The following FAM169A variants were observed in gnomAD, a reference collection of about 807,000 sequenced individuals.
The protein encoded by FAM169A is family with sequence similarity 169 member A.
A neutral mutation model predicts 75.7 loss-of-function variants in FAM169A; 24 were observed. That is an observed-to-expected ratio of 0.32 (90% CI 0.23 to 0.45). The LOEUF is 0.45. FAM169A is among the 20% of genes least tolerant of loss of function. The pLI is 1.00. For synonymous variants in FAM169A, 271 were observed against 271.0 expected (o/e 1.00, Z 0.00); for missense variants, 673 against 784.0 (o/e 0.86, Z 1.69).
rs537984793 is a variant in FAM169A, at chr5:74,856,977, T to C, written c.-4+9188A>G. ...ACAAAAAATTAGCCTGGTGTGGTGG[T>C]GGGCGCCTGTAGTCCCAGCCACTCG... On this transcript the variant is annotated intron_variant, in intron 1 of 12. Transcript: ENST00000687041. Among the ~76,000 whole-genome samples the C allele has an allele frequency of 9.9e-5, 15 of 151,292 alleles. No individual in the cohort carries two copies. In the South Asian group the frequency reaches 3.1e-3, roughly 32 times the overall value.
rs1188277215 is a variant in FAM169A at position 74,842,472 on chromosome 5, G to C, written c.-3-793C>G. On this transcript the variant is annotated intron_variant, in intron 1 of 12. Transcript: ENST00000687041. The stretch of plus-strand genomic sequence containing the variant: ...AAAAAAAAAATCACTGAATTGTACG[G>C]TTTGCAATAGATGAATATTATGGTA... 3.6e-5 allele frequency among the ~76,000 whole-genome samples: 5 copies of C among 137,136 alleles called. 1 individual carries two copies. In the South Asian group the frequency reaches 1.1e-3, roughly 31 times the overall value. 90.0% of individuals were successfully genotyped at this position (137,136 alleles called of 152,430 possible).
chr5:74,840,176 G>A lies in FAM169A; in HGVS notation c.133-3C>T. ...ACATTTGACAGGCTAATAGGAATCTGAAATGACAAATTAATAAAGATTAGT... is the reference window on the plus strand; with the variant it reads ...ACATTTGACAGGCTAATAGGAATCTAAAATGACAAATTAATAAAGATTAGT... On this transcript the variant is annotated splice_region_variant and splice_polypyrimidine_tract_variant and intron_variant, in intron 2 of 12. Transcript: ENST00000687041. 10 of 1,438,852 alleles carry A rather than the reference G, an allele frequency of 6.9e-6. No homozygotes were observed. Among genetic ancestry groups the A allele is most frequent in the Non-Finnish European group, 9.5e-6 (10 of 1,051,508 alleles). 89.1% of individuals were successfully genotyped at this position (1,438,852 alleles called of 1,614,324 possible). A position where few individuals can be genotyped will look rare whatever the true frequency, so the allele number is the denominator to read the frequency against.
At chr5:74,857,665 T>C (rs968183030) in intron 1 of FAM169A, among the ~76,000 whole-genome samples, 7 of 150,690 alleles carry the variant, frequency 4.6e-5, no homozygotes, top group African/African-American at 1.5e-4. Context: ...TTTAGACTTA[T>C]TCTGTATATC....
chr5:74,796,192 A>G lies in FAM169A; in HGVS notation c.1104-6T>C. ...GGCGTGCAGTAGACTCCAATCTAAA[A>G]AACAAAAGAAAACCATTCTGACTTG... is the stretch of plus-strand genomic sequence containing the variant. On this transcript the variant is annotated splice_polypyrimidine_tract_variant and splice_region_variant and intron_variant, in intron 10 of 12. Transcript: ENST00000687041. The G allele has an allele frequency of 6.3e-7, 1 of 1,593,908 alleles. No homozygotes were observed. The highest frequency in any genetic ancestry group is 8.5e-7 in the Non-Finnish European group (1 of 1,174,198).
At chr5:74,805,032 A>T in intron 7 of FAM169A, 124 bp downstream of exon 7, 1 of 760,860 alleles carries the variant, frequency 1.3e-6, no homozygotes, top group Non-Finnish European at 2.2e-6. Flanking sequence ...ATACACTACC[A>T]CTCTGGACTC....
intron 1 of FAM169A, among the ~76,000 whole-genome samples, chr5:74,852,643 A>C (rs1386279235): frequency 6.6e-6 from 1 of 152,118 alleles, no homozygotes; most frequent in African/African-American, 2.4e-5. Context: ...TGGATGACTG[A>C]AAGTACACCG....
At chr5:74,815,844 T>A (rs988716363) in intron 5 of FAM169A, among the ~76,000 whole-genome samples, 1 of 152,124 alleles carries the variant, frequency 6.6e-6, no homozygotes. Context: ...AGTTTCCAAA[T>A]GCCATGGCAA....
chr5:74,796,230 T>C (rs1746267258), intron 10 of FAM169A, 44 bp from the exon 11 acceptor site: 1 of 1,542,240 alleles, frequency 6.5e-7, no homozygotes, highest in African/African-American at 1.4e-5. Context: ...TTATTAAGGA[T>C]AAATATAAAA....
At chr5:74,860,535 A>G (rs1452869412) in intron 1 of FAM169A, among the ~76,000 whole-genome samples, 1 of 152,086 alleles carries the variant, frequency 6.6e-6, no homozygotes, top group Non-Finnish European at 1.5e-5. Context: ...CAAACTGACC[A>G]CCTTCTGTCA....
intron 5 of FAM169A, among the ~76,000 whole-genome samples, chr5:74,827,291 T>C (rs1005222697): frequency 1.3e-5 from 2 of 152,192 alleles, no homozygotes; most frequent in African/African-American, 2.4e-5. Context: ...CTAGAAACTA[T>C]AATCAATCTG....
At chr5:74,852,758 G>C (rs1359083996) in intron 1 of FAM169A, among the ~76,000 whole-genome samples, 2 of 152,030 alleles carry the variant, frequency 1.3e-5, no homozygotes, top group Non-Finnish European at 1.5e-5. Flanking sequence ...AGCAGGCCAA[G>C]AATCCCAGAT....
intron 11 of FAM169A, among the ~76,000 whole-genome samples, chr5:74,794,639 C>T (rs973073916): frequency 6.6e-6 from 1 of 151,222 alleles, no homozygotes; most frequent in Non-Finnish European, 1.5e-5. Context: ...ATTAGCCGGG[C>T]GTTGTGGCGT....
intron 5 of FAM169A, among the ~76,000 whole-genome samples, chr5:74,815,405 G>A (rs1747420763): frequency 6.6e-6 from 1 of 151,950 alleles, no homozygotes; most frequent in African/African-American, 2.4e-5. Flanking sequence ...TGACTAGGCT[G>A]GTCTTGAACT....
At chr5:74,859,128 T>G (rs1477764384) in intron 1 of FAM169A, among the ~76,000 whole-genome samples, 1 of 151,144 alleles carries the variant, frequency 6.6e-6, no homozygotes. Context: ...GCAGGAGAAT[T>G]GCTTGAACCC....
rs563317394 is a variant in FAM169A, at chr5:74,819,834, T to G, written c.491-5815A>C. Reference sequence around the variant, plus strand: ...CACATATTATTCATATAAAATAGATTAGTGGTTGTTGAGGGCTGGGGCCTA... The same window carrying G: ...CACATATTATTCATATAAAATAGATGAGTGGTTGTTGAGGGCTGGGGCCTA... On this transcript the variant is annotated intron_variant, in intron 5 of 12. Coordinates refer to ENST00000687041, the MANE Select transcript of FAM169A (RefSeq NM_001376049.1). Among the ~76,000 whole-genome samples, 7 of 152,146 alleles carry G rather than the reference T, an allele frequency of 4.6e-5. No homozygotes were observed. The East Asian group carries it at 1.4e-3, about 29-fold the overall frequency.
intron 11 of FAM169A, among the ~76,000 whole-genome samples, chr5:74,794,377 G>C (rs185659158): frequency 7.3e-4 from 109 of 148,458 alleles, no homozygotes; most frequent in African/African-American, 2.6e-3. Flanking sequence ...CTGGACAACA[G>C]AGTGAGACTC....
Position 74,830,180 on chromosome 5 carries a change from T to C in FAM169A, c.490+4246A>G, listed in dbSNP as rs185743230. Among the ~76,000 whole-genome samples the C allele has an allele frequency of 3.9e-5, 6 of 151,954 alleles. No individual in the cohort carries two copies. The East Asian group carries it at 7.7e-4, about 20-fold the overall frequency. On this transcript the variant is annotated intron_variant, in intron 5 of 12. Transcript: ENST00000687041. The stretch of plus-strand genomic sequence containing the variant: ...TAAGAATCCCCCTCACACAACAACA[T>C]AAAAAGAGAGGAAAGAGAAGCCCTT...
chr5:74,811,029 T>G (rs1488284104), intron 6 of FAM169A, among the ~76,000 whole-genome samples: 1 of 147,090 alleles, frequency 6.8e-6, no homozygotes, highest in African/African-American at 2.5e-5. Flanking sequence ...GTCACCCAGG[T>G]TGAAGTGCAG....
chr5:74,858,786 A>C (rs554376540), intron 1 of FAM169A, among the ~76,000 whole-genome samples: 1 of 152,298 alleles, frequency 6.6e-6, no homozygotes, highest in Non-Finnish European at 1.5e-5. Flanking sequence ...TTTTTTGCTA[A>C]ATTTAGCTAT....
Sources: gnomAD v4.1 joint callset for allele counts (sites outside exome capture counted in the v4.1 genomes callset) on GRCh38, gnomAD v4.1.1 for gene constraint, MANE v1.5 for transcripts, NCBI Gene and HGNC (gene_info 2026-07-23, HGNC 2026-07-21) for gene names.